The following NGEF variants were observed in gnomAD, a reference collection of about 807,000 sequenced individuals.
NGEF encodes the protein ephexin-1.
In NGEF, 31 loss-of-function variants were observed where a neutral mutation model predicts 80.9. The observed-to-expected ratio is 0.38, with a 90% CI of 0.29 to 0.52. NGEF has a LOEUF of 0.52. Among genes scored for constraint, NGEF ranks in the 20% least tolerant of loss-of-function variants. The probability of loss-of-function intolerance (pLI) is 0.84; values close to 1 mark genes in which losing one functional copy is unlikely to be tolerated. For missense variants in NGEF, 709 were observed against 926.2 expected, an observed-to-expected ratio of 0.77 and a Z score of 3.04; for synonymous variants, 371 against 370.2, an observed-to-expected ratio of 1.00 and a Z score of -0.03.
At chr2:233,007,385 T>A (rs1695106982) in intron 1 of NGEF, among the ~76,000 whole-genome samples, 1 of 152,234 alleles carries the variant, frequency 6.6e-6, no homozygotes, top group Non-Finnish European at 1.5e-5. Flanking sequence ...AAGAACCCTT[T>A]GGCCCGCCAG....
chr2:232,974,775 T>C lies in NGEF; in HGVS notation c.116A>G (p.Glu39Gly), dbSNP rs761813173. 8 of 1,614,286 alleles carry C rather than the reference T, an allele frequency of 5.0e-6. No homozygotes were observed. The South Asian group carries it at 6.6e-5, about 13-fold the overall frequency. Residue 39 changes from glutamate (E) to glycine (G), a missense_variant, in exon 2 of 15, where the codon GAG (glutamate) becomes GGG (glycine). Transcript: ENST00000264051. ...KVKPELLPEK[E>G]ETSQADQDIQ... ...ATCCTGGTCAGCTTGAGAAGTCTCCTCTTTTTCTGGGAGTAACTCAGGTTT... is the reference window on the plus strand; with the variant it reads ...ATCCTGGTCAGCTTGAGAAGTCTCCCCTTTTTCTGGGAGTAACTCAGGTTT...
At chr2:232,984,473 C>T (rs142380724) in intron 1 of NGEF, among the ~76,000 whole-genome samples, 15 of 152,128 alleles carry the variant, frequency 9.9e-5, no homozygotes, top group Middle Eastern at 3.4e-3. Flanking sequence ...AAGTCCGATG[C>T]CAGAGAGTTG....
At position 232,896,505 on chromosome 2, in the gene NGEF, G is replaced by A. The variant is rs1574997063; in HGVS notation, c.829-1589C>T. ...AGAGGAGGGGTGGAAACAGAGCAGT[G>A]AGGAGCCTGGGGTAAGGGTGAGGGT... On this transcript the variant is annotated intron_variant, in intron 5 of 14. Coordinates refer to ENST00000264051, the MANE Select transcript of NGEF (RefSeq NM_019850.3). Among the ~76,000 whole-genome samples the A allele has an allele frequency of 2.0e-5, 3 of 147,652 alleles. 1 individual carries two copies. The highest frequency in any genetic ancestry group is 2.0e-4 in the Admixed American group (3 of 14,794).
chr2:232,993,148 TGGGC>T (rs1352428442), intron 1 of NGEF, among the ~76,000 whole-genome samples: 21 of 112,318 alleles, frequency 1.9e-4, no homozygotes, highest in East Asian at 7.2e-4. Flanking sequence ...TATATATATA[TGGGC>T]AAATATATAT....
In NGEF at chr2:232,892,362, G is replaced by A. The variant is rs564273022; in HGVS notation, c.1142+536C>T. Reference sequence around the variant, plus strand: ...TGGCTAACCCCAGGCACTGAAGTGCGAACCTCAGTGCGCAGAATTCAGAAG... The same window carrying A: ...TGGCTAACCCCAGGCACTGAAGTGCAAACCTCAGTGCGCAGAATTCAGAAG... On this transcript the variant is annotated intron_variant, in intron 7 of 14. Coordinates refer to ENST00000264051, the MANE Select transcript of NGEF (RefSeq NM_019850.3). The surrounding 1 kb of genome is among the most constrained non-coding windows in gnomAD (Gnocchi z 4.0). 7.9e-5 allele frequency among the ~76,000 whole-genome samples: 12 copies of A among 152,238 alleles called. No individual in the cohort carries two copies. Among genetic ancestry groups the A allele is most frequent in the South Asian group, 2.1e-4 (1 of 4,826 alleles).
rs1200971420 is a variant in NGEF at position 232,888,024 on chromosome 2, G to A, written c.1347+9C>T. On this transcript the variant is annotated intron_variant, in intron 9 of 14. Transcript: ENST00000264051. ...ATTGGGATACAGCACAAGAGGAGGT[G>A]AGACTCACCATTTCCAGCTCCTTGT... The A allele has an allele frequency of 7.4e-6, 12 of 1,611,260 alleles. No individual in the cohort carries two copies. Among genetic ancestry groups the A allele is most frequent in the African/African-American group, 4.0e-5 (3 of 74,874 alleles).
intron 5 of NGEF, among the ~76,000 whole-genome samples, chr2:232,908,151 T>C (rs1692618642): frequency 6.6e-6 from 1 of 152,194 alleles, no homozygotes. Context: ...TTTGCGTCTT[T>C]AAACAGCTGT....
At chr2:232,928,637 A>G (rs928775354) in intron 3 of NGEF, among the ~76,000 whole-genome samples, 6 of 151,896 alleles carry the variant, frequency 4.0e-5, no homozygotes, top group African/African-American at 1.5e-4. Context: ...CTGGGGTCTC[A>G]GGGGCTCCTT....
At chr2:232,915,161 G>A (rs1692771229) in intron 5 of NGEF, among the ~76,000 whole-genome samples, 1 of 152,172 alleles carries the variant, frequency 6.6e-6, no homozygotes, top group South Asian at 2.1e-4. Flanking sequence ...CATCTTTCCT[G>A]TAGGTGATTT....
At chr2:232,967,477 G>A (rs1459927369) in intron 3 of NGEF, among the ~76,000 whole-genome samples, 1 of 149,892 alleles carries the variant, frequency 6.7e-6, no homozygotes, top group Non-Finnish European at 1.5e-5. Flanking sequence ...TGGGATTACA[G>A]GCATGTACTA....
chr2:232,942,684 G>A (rs1169437122), intron 3 of NGEF, among the ~76,000 whole-genome samples: 1 of 151,890 alleles, frequency 6.6e-6, no homozygotes, highest in East Asian at 1.9e-4. Context: ...AGACCAGCCT[G>A]GCCAACATGG....
intron 4 of NGEF, among the ~76,000 whole-genome samples, chr2:232,926,414 C>A (rs1403704647): frequency 2.6e-5 from 4 of 151,892 alleles, no homozygotes; most frequent in African/African-American, 9.7e-5. Flanking sequence ...CACAGTGCTT[C>A]AGGTGCAGCT....
At position 232,885,636 on chromosome 2, in the gene NGEF, C is replaced by T. The variant is rs191601259; in HGVS notation, c.1348-267G>A. On this transcript the variant is annotated intron_variant, in intron 9 of 14. Transcript: ENST00000264051. ...GGAAGCAAACTCCAGAAAACACATG[C>T]GTGAGGCATCCCTCCTCCTCTGTAG... 1.4e-3 allele frequency: 657 copies of T among 471,466 alleles called. 1 individual carries two copies. The highest frequency in any genetic ancestry group is 0.011 in the African/African-American group (541 of 50,848). 29.2% of individuals were successfully genotyped at this position (471,466 alleles called of 1,614,324 possible).
chr2:232,977,310 T>C (rs568122742), intron 1 of NGEF, among the ~76,000 whole-genome samples: 2 of 152,260 alleles, frequency 1.3e-5, no homozygotes, highest in South Asian at 2.1e-4. Flanking sequence ...ATCTGACCTC[T>C]GGGAGCCTGG....
chr2:232,942,441 G>A lies in NGEF; in HGVS notation c.384-15255C>T, dbSNP rs76847901. Among the ~76,000 whole-genome samples the A allele has an allele frequency of 9.8e-4, 149 of 152,280 alleles. 2 individuals carry two copies. In the East Asian group the frequency reaches 0.025, roughly 26 times the overall value. The stretch of plus-strand genomic sequence containing the variant: ...ACGTGGACATTCTTTAGGGATTGTC[G>A]GGTTCCTCTCGGTAAATCGACTGAT... On this transcript the variant is annotated intron_variant, in intron 3 of 14. Coordinates refer to ENST00000264051, the MANE Select transcript of NGEF (RefSeq NM_019850.3).
intron 1 of NGEF, among the ~76,000 whole-genome samples, chr2:233,011,337 G>C (rs978144963): frequency 6.6e-6 from 1 of 152,130 alleles, no homozygotes; most frequent in African/African-American, 2.4e-5. Context: ...CCTTACTCGG[G>C]AAGCAATGGG....
chr2:232,940,766 T>C (rs1693420574), intron 3 of NGEF, among the ~76,000 whole-genome samples: 1 of 152,192 alleles, frequency 6.6e-6, no homozygotes, highest in African/African-American at 2.4e-5. Flanking sequence ...AAATAGACTT[T>C]TATATGTGGA....
At position 232,974,702 on chromosome 2, in the gene NGEF, G is replaced by A; in HGVS notation, c.189C>T (p.Ser63=). 1.2e-6 allele frequency: 2 copies of A among 1,614,228 alleles called. No individual in the cohort carries two copies. The highest frequency in any genetic ancestry group is 1.7e-6 in the Non-Finnish European group (2 of 1,180,038). ...PHCHIPIKRN[S]IFNRSIRRKS... ...TGCGTCTTATGGAGCGATTGAAGATGGAATTTCTCTTAATTGGGATGTGGC... is the reference window on the plus strand; with the variant it reads ...TGCGTCTTATGGAGCGATTGAAGATAGAATTTCTCTTAATTGGGATGTGGC... Residue 63 remains serine, a synonymous_variant, in exon 2 of 15, where the codon TCC becomes TCT. Transcript: ENST00000264051.
intron 3 of NGEF, among the ~76,000 whole-genome samples, chr2:232,951,793 C>T (rs760259576): frequency 3.7e-4 from 56 of 152,274 alleles, no homozygotes; most frequent in Non-Finnish European, 7.2e-4. Context: ...GTAATTTCTC[C>T]CATGGGTTCT....
Sources: gnomAD v4.1 joint callset for allele counts (sites outside exome capture counted in the v4.1 genomes callset) on GRCh38, gnomAD v4.1.1 for gene constraint, Gnocchi (gnomAD v3.1) non-coding constraint, MANE v1.5 for transcripts, NCBI Gene and HGNC (gene_info 2026-07-23, HGNC 2026-07-21) for gene names.